The following POLR3A variants were observed in gnomAD, a reference collection of about 807,000 sequenced individuals.
POLR3A encodes the protein DNA-directed RNA polymerase III subunit RPC1.
POLR3A carries 112 observed loss-of-function variants against 152.8 expected under a neutral mutation model. The ratio of observed to expected loss-of-function variants is 0.73; its 90% CI spans 0.63 to 0.86. The LOEUF is 0.86. Among genes scored for constraint, POLR3A ranks in the 40% least tolerant of loss-of-function variants. The probability of loss-of-function intolerance (pLI) is 0.00; values close to 1 mark genes in which losing one functional copy is unlikely to be tolerated. For synonymous variants in POLR3A, 615 were observed against 652.1 expected (o/e 0.94, Z 0.87); for missense variants, 1,385 against 1,743.1 (o/e 0.79, Z 3.66).
chr10:78,025,534 C>T (rs1453434231), intron 3 of POLR3A, 88 bp downstream of exon 3: 1 of 1,315,008 alleles, frequency 7.6e-7, no homozygotes, highest in Non-Finnish European at 1.1e-6. Context: ...ATGTATCCCC[C>T]ACCACTCACA....
chr10:78,016,792 T>C (rs1255971349), intron 10 of POLR3A, among the ~76,000 whole-genome samples: 1 of 151,356 alleles, frequency 6.6e-6, no homozygotes, highest in Non-Finnish European at 1.5e-5. Flanking sequence ...GGAGGATCGC[T>C]TGAGCCGAGG....
In POLR3A at chr10:78,021,825, T is replaced by G. The variant is rs1227643668; in HGVS notation, c.1048+35A>C. The G allele has an allele frequency of 3.1e-6, 5 of 1,612,152 alleles. No individual in the cohort carries two copies. In the African/African-American group the frequency reaches 6.7e-5, roughly 22 times the overall value. On this transcript the variant is annotated intron_variant, in intron 7 of 30. Transcript: ENST00000372371. ...CTCCTGAAAAAGGAACCAAAGAGAG[T>G]GGGCTGGCTTCTGCACATCTTGTGG... is the stretch of plus-strand genomic sequence containing the variant.
rs1217300033 is a variant in POLR3A, at chr10:77,975,761, AC to A, written c.*1716del. The A allele has an allele frequency of 6.6e-6, 1 of 152,246 alleles. No individual in the cohort carries two copies. The highest frequency in any genetic ancestry group is 1.5e-5 in the Non-Finnish European group (1 of 68,110). The allele number at this position is 152,246 out of a possible 1,614,324, so 9.4% of individuals were successfully genotyped here. A position where few individuals can be genotyped will look rare whatever the true frequency, so the allele number is the denominator to read the frequency against. On this transcript the variant is annotated 3_prime_UTR_variant, in exon 31 of 31. Transcript: ENST00000372371. ...AATTCTACCCTCCCCTGGCCTTTGC[AC>A]GGATCCCAGTGGTCCTGGCTCGGAT...
intron 9 of POLR3A, 71 bp downstream of exon 9, chr10:78,019,090 TG>T: frequency 2.9e-6 from 3 of 1,034,794 alleles, no homozygotes; most frequent in Non-Finnish European, 4.6e-6. Flanking sequence ...TTGCATTCTG[TG>T]GCTGAGTATG....
chr10:78,000,158 G>T, intron 18 of POLR3A, 40 bp from the exon 19 acceptor site: 1 of 1,602,904 alleles, frequency 6.2e-7, no homozygotes, highest in East Asian at 2.2e-5. Context: ...AACAAAAAAA[G>T]TTCAAGGCCC....
intron 19 of POLR3A, among the ~76,000 whole-genome samples, chr10:77,994,278 T>A (rs1290555141): frequency 1.3e-5 from 2 of 152,142 alleles, no homozygotes; most frequent in African/African-American, 2.4e-5. Flanking sequence ...GAAATAGGCG[T>A]CTACTGACTT....
chr10:77,987,291 T>C (rs916137632), intron 21 of POLR3A, among the ~76,000 whole-genome samples: 16 of 152,064 alleles, frequency 1.1e-4, no homozygotes, highest in African/African-American at 3.6e-4. Flanking sequence ...TCTCTGAGAA[T>C]ATGGGGAAGA....
intron 16 of POLR3A, among the ~76,000 whole-genome samples, chr10:78,003,240 C>T (rs982544093): frequency 2.0e-5 from 3 of 152,188 alleles, no homozygotes; most frequent in African/African-American, 7.2e-5. Context: ...ATATCCTTTT[C>T]TCTCTCTCTA....
In POLR3A at chr10:77,993,745, A is replaced by G. The variant is rs143689701; in HGVS notation, c.2617-378T>C. 1.5e-3 allele frequency among the ~76,000 whole-genome samples: 233 copies of G among 152,312 alleles called. 1 individual carries two copies. The highest frequency in any genetic ancestry group is 5.2e-3 in the African/African-American group (217 of 41,574). On this transcript the variant is annotated intron_variant, in intron 19 of 30. Transcript: ENST00000372371. ...TGCATTTCTAAACAGAACTTAAGCC[A>G]GGACCCCTGCAGACTTCAATATGAA...
chr10:77,998,210 A>T (rs994366969), intron 19 of POLR3A, among the ~76,000 whole-genome samples: 1 of 152,190 alleles, frequency 6.6e-6, no homozygotes, highest in Non-Finnish European at 1.5e-5. Context: ...ATAGAAGAAA[A>T]CCTAGGCAAT....
At chr10:78,023,188 T>C (rs1589318585) in intron 5 of POLR3A, among the ~76,000 whole-genome samples, 1 of 149,914 alleles carries the variant, frequency 6.7e-6, no homozygotes, top group East Asian at 2.0e-4. Flanking sequence ...TGGCTGGGCA[T>C]GGTGGCTCAT....
At chr10:78,014,125 C>T (rs1438246840) in intron 10 of POLR3A, among the ~76,000 whole-genome samples, 1 of 151,514 alleles carries the variant, frequency 6.6e-6, no homozygotes, top group East Asian at 2.0e-4. Flanking sequence ...CCATTGCACC[C>T]CAGCCTGGGT....
chr10:78,018,977 G>A (rs192413912), intron 9 of POLR3A, among the ~76,000 whole-genome samples, 185 bp downstream of exon 9: 2 of 152,280 alleles, frequency 1.3e-5, no homozygotes, highest in Non-Finnish European at 2.9e-5. Context: ...AGCACTTCAT[G>A]TATATTCAAT....
intron 5 of POLR3A, 114 bp downstream of exon 5, chr10:78,024,435 G>T: frequency 9.8e-7 from 1 of 1,021,148 alleles, no homozygotes. Context: ...TCTCATTTTG[G>T]AAGAAAGTGG....
chr10:78,023,352 C>T (rs529358484), intron 5 of POLR3A, among the ~76,000 whole-genome samples: 3 of 150,436 alleles, frequency 2.0e-5, no homozygotes, highest in African/African-American at 4.9e-5. Flanking sequence ...CCCAGCAACT[C>T]GGGAGGCTGA....
chr10:78,021,007 A>C (rs955256496), intron 8 of POLR3A, among the ~76,000 whole-genome samples: 16 of 152,152 alleles, frequency 1.1e-4, no homozygotes, highest in Non-Finnish European at 4.4e-5. Context: ...TCTCACTCTC[A>C]CCCAGGCTAG....
Position 77,977,389 on chromosome 10 carries a change from C to A in POLR3A, c.*89G>T, listed in dbSNP as rs1433634897. 4.2e-6 allele frequency: 6 copies of A among 1,412,760 alleles called. No homozygotes were observed. The African/African-American group carries it at 8.5e-5, about 20-fold the overall frequency. The allele number at this position is 1,412,760 out of a possible 1,614,324, so 87.5% of individuals were successfully genotyped here. On this transcript the variant is annotated 3_prime_UTR_variant, in exon 31 of 31. Transcript: ENST00000372371. The stretch of plus-strand genomic sequence containing the variant: ...CTGGCATAGGTGGGGACCTCAGGAC[C>A]CCCGTCCCAGGGAGCACAAAACTCT...
chr10:77,980,140 C>T lies in POLR3A; in HGVS notation c.4024+1G>A. 8.7e-6 allele frequency: 14 copies of T among 1,613,834 alleles called. No homozygotes were observed. Among genetic ancestry groups the T allele is most frequent in the Non-Finnish European group, 1.2e-5 (14 of 1,179,720 alleles). Reference sequence around the variant, plus strand: ...GCTGTTCATAGAAACATCAAACCTACCACACACAGAGTCCTTCTGCCCGAA... The same window carrying T: ...GCTGTTCATAGAAACATCAAACCTATCACACACAGAGTCCTTCTGCCCGAA... On this transcript the variant is annotated splice_donor_variant, in intron 30 of 30. Transcript: ENST00000372371. LOFTEE classifies it high-confidence loss of function.
At chr10:77,993,680 CTTCT>C (rs1424282608) in intron 19 of POLR3A, among the ~76,000 whole-genome samples, 2 of 152,162 alleles carry the variant, frequency 1.3e-5, no homozygotes, top group Non-Finnish European at 2.9e-5. Flanking sequence ...TTTTACCTTC[CTTCT>C]CTTTCTCCCT....
Sources: allele counts gnomAD v4.1 joint callset (sites outside exome capture counted in the v4.1 genomes callset), GRCh38; gene constraint gnomAD v4.1.1; transcripts MANE v1.5; gene names NCBI Gene and HGNC (gene_info 2026-07-23, HGNC 2026-07-21).